Variants in SLC22A23 observed in about 807,000 individuals in gnomAD.
SLC22A23 encodes the protein solute carrier family 22 member 23, also known as ion transporter protein.
In SLC22A23, 26 loss-of-function variants were observed where a neutral mutation model predicts 61.0. That is an observed-to-expected ratio of 0.43 (90% CI 0.31 to 0.59). The LOEUF (loss-of-function observed/expected upper bound fraction) is 0.59, where lower values mean the gene tolerates loss of function less well. Among genes scored for constraint, SLC22A23 ranks in the 20% least tolerant of loss-of-function variants. The pLI is 0.11. For synonymous variants in SLC22A23, 430 were observed against 413.9 expected (o/e 1.04, Z -0.47); for missense variants, 796 against 934.7 (o/e 0.85, Z 1.94).
At chr6:3,397,993 G>A (rs867252154) in intron 3 of SLC22A23, among the ~76,000 whole-genome samples, 3 of 152,204 alleles carry the variant, frequency 2.0e-5, no homozygotes, top group Non-Finnish European at 2.9e-5. Flanking sequence ...TGTAGTGAGG[G>A]TAGTCACATG....
intron 3 of SLC22A23, among the ~76,000 whole-genome samples, chr6:3,353,833 T>C (rs1764917053): frequency 6.6e-6 from 1 of 152,182 alleles, no homozygotes; most frequent in Non-Finnish European, 1.5e-5. Flanking sequence ...CTCTCCCTTC[T>C]ACCACCAGTG....
chr6:3,425,925 T>C (rs1384683839), intron 1 of SLC22A23, among the ~76,000 whole-genome samples: 1 of 152,228 alleles, frequency 6.6e-6, no homozygotes, highest in Non-Finnish European at 1.5e-5. Context: ...AATTCTCTGG[T>C]TTATATTAAT....
chr6:3,417,162 G>A (rs977014514), intron 1 of SLC22A23, among the ~76,000 whole-genome samples: 15 of 152,272 alleles, frequency 9.9e-5, no homozygotes, highest in Middle Eastern at 3.4e-3. Context: ...TGCAGGGAAA[G>A]GTGCCTGGCT....
At position 3,322,837 on chromosome 6, in the gene SLC22A23, T is replaced by C. The variant is rs1470364886; in HGVS notation, c.1082+997A>G. ...CAAGACTGACTGCACGGCCAGAAAT[T>C]TGGTTTTCATTGTTGACTAAATAGT... On this transcript the variant is annotated intron_variant, in intron 4 of 9. Coordinates refer to ENST00000406686, the MANE Select transcript of SLC22A23 (RefSeq NM_015482.2). The surrounding 1 kb of genome is among the most constrained non-coding windows in gnomAD (Gnocchi z 4.1). Among the ~76,000 whole-genome samples the C allele has an allele frequency of 6.6e-6, 1 of 152,126 alleles. No homozygotes were observed. The highest frequency in any genetic ancestry group is 1.5e-5 in the Non-Finnish European group (1 of 68,028).
At chr6:3,382,411 AC>A (rs1209911924) in intron 3 of SLC22A23, among the ~76,000 whole-genome samples, 2 of 152,214 alleles carry the variant, frequency 1.3e-5, no homozygotes, top group African/African-American at 4.8e-5. Flanking sequence ...GAAAATTGCT[AC>A]CTTTCTCCCT....
At position 3,328,365 on chromosome 6, in the gene SLC22A23, G is replaced by A. The variant is rs183282032; in HGVS notation, c.914-4363C>T. 2.0e-5 allele frequency among the ~76,000 whole-genome samples: 3 copies of A among 152,224 alleles called. No individual in the cohort carries two copies. The highest frequency in any genetic ancestry group is 4.4e-5 in the Non-Finnish European group (3 of 68,020). The stretch of plus-strand genomic sequence containing the variant: ...CTGGGAGATACGCTTTTCGGAAGTC[G>A]TCAGATTCTTACAAATTTTCAGGAG... On this transcript the variant is annotated intron_variant, in intron 3 of 9. Transcript: ENST00000406686. This position sits in a 1 kb window ranked among gnomAD's most constrained non-coding sequence, Gnocchi z 5.0.
At chr6:3,310,608 G>A (rs540580455) in intron 4 of SLC22A23, among the ~76,000 whole-genome samples, 1 of 152,330 alleles carries the variant, frequency 6.6e-6, no homozygotes, top group South Asian at 2.1e-4. Flanking sequence ...CTTAGTCCCT[G>A]TAACCTGAGT....
At chr6:3,306,229 C>CG (rs1761965388) in intron 4 of SLC22A23, among the ~76,000 whole-genome samples, 1 of 152,144 alleles carries the variant, frequency 6.6e-6, no homozygotes, top group African/African-American at 2.4e-5. Context: ...CCGTGGGGAG[C>CG]GTACCAAGCC....
chr6:3,370,802 C>T (rs1489417301), intron 3 of SLC22A23, among the ~76,000 whole-genome samples: 1 of 152,262 alleles, frequency 6.6e-6, no homozygotes, highest in African/African-American at 2.4e-5. Context: ...GACATCACGA[C>T]TCACTTCTCT....
intron 9 of SLC22A23, 158 bp downstream of exon 9, chr6:3,283,694 T>C: frequency 7.4e-7 from 1 of 1,342,738 alleles, no homozygotes; most frequent in South Asian, 1.3e-5. Flanking sequence ...CGCCTCGGGG[T>C]TGGGTCCAAC....
At chr6:3,278,416 C>G (rs1759108931) in intron 9 of SLC22A23, among the ~76,000 whole-genome samples, 1 of 152,224 alleles carries the variant, frequency 6.6e-6, no homozygotes, top group Non-Finnish European at 1.5e-5. Context: ...CCCAGATACT[C>G]AAACTCCTCC....
intron 5 of SLC22A23, among the ~76,000 whole-genome samples, chr6:3,295,779 TG>T (rs1217635081): frequency 6.6e-6 from 1 of 152,020 alleles, no homozygotes; most frequent in Non-Finnish European, 1.5e-5. Flanking sequence ...ATCTGACAGC[TG>T]GGGGTGGAAG....
At chr6:3,408,899 C>CT (rs1333301677) in intron 3 of SLC22A23, among the ~76,000 whole-genome samples, 4 of 152,240 alleles carry the variant, frequency 2.6e-5, no homozygotes, top group African/African-American at 9.6e-5. Context: ...GGCGCACTTG[C>CT]ACACATGTGG....
chr6:3,374,680 G>A (rs558276168), intron 3 of SLC22A23, among the ~76,000 whole-genome samples: 17 of 152,336 alleles, frequency 1.1e-4, no homozygotes, highest in Non-Finnish European at 1.9e-4. Context: ...GGGGGCAGAA[G>A]AGAGGGATGG....
intron 1 of SLC22A23, among the ~76,000 whole-genome samples, chr6:3,432,553 T>G (rs1427173728): frequency 2.6e-5 from 4 of 152,194 alleles, no homozygotes; most frequent in African/African-American, 9.7e-5. Context: ...GCATCATTTA[T>G]GCAGAACATT....
In SLC22A23 at chr6:3,289,859, C is replaced by G; in HGVS notation, c.1218G>C (p.Glu406Asp). 6.2e-7 allele frequency: 1 copy of G among 1,613,928 alleles called. No individual in the cohort carries two copies. Among genetic ancestry groups the G allele is most frequent in the Non-Finnish European group, 8.5e-7 (1 of 1,180,012 alleles). ...GDIKGVIPEL[E>D]KELSRRPKKV... is the part of the protein sequence containing the mutation. ...TCTTGGGCCTCCGGGAAAGCTCTTT[C>G]TCCAGCTCTGCAAAGAAACAGACCC... is the stretch of plus-strand genomic sequence containing the variant. Residue 406 changes from glutamate to aspartate, a missense_variant, in exon 6 of 10, where the codon GAG (glutamate) becomes GAC (aspartate). Glu to Asp is a conservative substitution (Grantham distance 45, BLOSUM62 2). Transcript: ENST00000406686.
At chr6:3,396,153 G>A (rs1449401629) in intron 3 of SLC22A23, among the ~76,000 whole-genome samples, 1 of 152,186 alleles carries the variant, frequency 6.6e-6, no homozygotes, top group Admixed American at 6.5e-5. Flanking sequence ...TGCTAGGAAG[G>A]GAAGAGCTGG....
intron 2 of SLC22A23, among the ~76,000 whole-genome samples, chr6:3,413,409 G>A (rs1055985910): frequency 3.3e-5 from 5 of 152,192 alleles, no homozygotes; most frequent in African/African-American, 9.6e-5. Flanking sequence ...AGGAGCTGGC[G>A]GGCAAGGGGT....
At chr6:3,369,242 A>T (rs1215965864) in intron 3 of SLC22A23, among the ~76,000 whole-genome samples, 6 of 152,048 alleles carry the variant, frequency 3.9e-5, no homozygotes, top group Non-Finnish European at 7.4e-5. Context: ...TAAAGGGTTA[A>T]AAAAAATGGT....
Sources: gnomAD v4.1 joint callset for allele counts (sites outside exome capture counted in the v4.1 genomes callset) on GRCh38, gnomAD v4.1.1 for gene constraint, Gnocchi (gnomAD v3.1) non-coding constraint, MANE v1.5 for transcripts, NCBI Gene and HGNC (gene_info 2026-07-23, HGNC 2026-07-21) for gene names.